ZNF469: variants seen among roughly 807,000 people sequenced by gnomAD.
ZNF469 encodes zinc finger protein 469.
A neutral mutation model predicts 1.0 loss-of-function variants in ZNF469; 1 was observed. The observed-to-expected ratio is 1.00, with a 90% confidence interval of 0.35 to 4.73. ZNF469 has a LOEUF of 4.73. ZNF469 is among the 30% of genes most tolerant of loss of function. The probability of loss-of-function intolerance (pLI) is 0.16; values close to 1 mark genes in which losing one functional copy is unlikely to be tolerated. For synonymous variants in ZNF469, 2,703 were observed against 2,363.4 expected, an observed-to-expected ratio of 1.14 and a Z score of -4.17; for missense variants, 6,100 against 5,356.3, an observed-to-expected ratio of 1.14 and a Z score of -4.33.
chr16:88,198,739 T>C, the ZNF469 span, among the ~76,000 whole-genome samples: 1 of 152,200 alleles, frequency 6.6e-6, no homozygotes, highest in African/African-American at 2.4e-5. Context: ...GGGCTTTGTT[T>C]CGTGGTGGTT....
At chr16:88,386,455 C>T (rs1374940586) in intron 1 of ZNF469, among the ~76,000 whole-genome samples, 1 of 152,192 alleles carries the variant, frequency 6.6e-6, no homozygotes, top group African/African-American at 2.4e-5. Context: ...GAACACCCCT[C>T]CTCTCCCTGC....
At chr16:88,134,547 T>G in the ZNF469 span, among the ~76,000 whole-genome samples, 1 of 152,238 alleles carries the variant, frequency 6.6e-6, no homozygotes, top group Non-Finnish European at 1.5e-5. Context: ...TATTAGTTAT[T>G]TAGAGTAAGT....
At chr16:88,317,729 G>A in the ZNF469 span, among the ~76,000 whole-genome samples, 1 of 152,220 alleles carries the variant, frequency 6.6e-6, no homozygotes, top group African/African-American at 2.4e-5. Context: ...CAGCTTCCCA[G>A]ACGCCTTTCC....
At chr16:88,247,417 T>C in the ZNF469 span, among the ~76,000 whole-genome samples, 90 of 150,460 alleles carry the variant, frequency 6.0e-4, no homozygotes, top group Admixed American at 8.6e-4. Flanking sequence ...AGTGAGTGAA[T>C]AAGTGAATGA....
chr16:88,358,685 C>T, the ZNF469 span, among the ~76,000 whole-genome samples: 1 of 151,966 alleles, frequency 6.6e-6, no homozygotes, highest in Non-Finnish European at 1.5e-5. Flanking sequence ...GTGAAGGCAC[C>T]ACTTTTGTTT....
chr16:88,437,624 G>C lies in ZNF469; in HGVS notation c.10154G>C (p.Gly3385Ala), dbSNP rs1038716489. The change falls in exon 3 of 3, where the codon GGC (glycine) becomes GCC (alanine). Residue 3385 changes from glycine to alanine, a missense_variant. Transcript: ENST00000565624. ...CACGGGGAGCTGCTGGCACACCTGG[G>C]CGGGGCGCACGGGCTGCTGGAGCGG... The part of the protein sequence containing the change: ...PEHGELLAHL[G>A]GAHGLLERPE... The C allele has an allele frequency of 1.9e-6, 3 of 1,540,920 alleles. No homozygotes were observed. In the Admixed American group the frequency reaches 5.9e-5, roughly 30 times the overall value.
the ZNF469 span, among the ~76,000 whole-genome samples, chr16:88,141,410 C>T: frequency 7.0e-6 from 1 of 142,508 alleles, no homozygotes; most frequent in Admixed American, 7.0e-5. Context: ...ATGAAATGCT[C>T]AGCCTGGGAA....
At chr16:88,167,851 A>G in the ZNF469 span, among the ~76,000 whole-genome samples, 1 of 152,252 alleles carries the variant, frequency 6.6e-6, no homozygotes, top group Non-Finnish European at 1.5e-5. Flanking sequence ...CGCTCCTTAC[A>G]GCGATGATCT....
chr16:88,253,364 CTTGTT>C, the ZNF469 span, among the ~76,000 whole-genome samples: 1 of 152,044 alleles, frequency 6.6e-6, no homozygotes, highest in Non-Finnish European at 1.5e-5. Flanking sequence ...TTGGGCTTGT[CTTGTT>C]TTTTCCTTTT....
At chr16:88,249,417 C>CTTTTTTT in the ZNF469 span, among the ~76,000 whole-genome samples, 9 of 92,938 alleles carry the variant, frequency 9.7e-5, no homozygotes, top group Non-Finnish European at 1.5e-4. Flanking sequence ...CTTTTTCTTT[C>CTTTTTTT]TTTTTCTTTT....
At chr16:88,171,463 C>T in the ZNF469 span, among the ~76,000 whole-genome samples, 10 of 152,226 alleles carry the variant, frequency 6.6e-5, no homozygotes, top group African/African-American at 2.4e-4. Context: ...TCTCAGAAAG[C>T]TCCTGAAGCA....
intron 1 of ZNF469, among the ~76,000 whole-genome samples, chr16:88,394,368 T>C (rs1011093187): frequency 6.6e-6 from 1 of 152,238 alleles, no homozygotes; most frequent in Non-Finnish European, 1.5e-5. Flanking sequence ...TGGCTTCAGA[T>C]GAGAAAAGAG....
the ZNF469 span, chr16:88,302,374 G>A: frequency 6.6e-6 from 1 of 152,334 alleles, no homozygotes; most frequent in Middle Eastern, 3.4e-3. Flanking sequence ...TTTTAAGAGT[G>A]GATATATTTA....
intron 1 of ZNF469, among the ~76,000 whole-genome samples, chr16:88,393,388 C>T (rs1904543248): frequency 6.6e-6 from 1 of 152,246 alleles, no homozygotes; most frequent in South Asian, 2.1e-4. Flanking sequence ...GCTGTCCACA[C>T]CAGCAGCCTG....
At chr16:88,133,704 A>G in the ZNF469 span, among the ~76,000 whole-genome samples, 1 of 150,382 alleles carries the variant, frequency 6.6e-6, no homozygotes, top group Non-Finnish European at 1.5e-5. Flanking sequence ...TAATTAACTA[A>G]CTTAACATTC....
the ZNF469 span, among the ~76,000 whole-genome samples, chr16:88,253,997 G>A: frequency 3.3e-5 from 5 of 151,536 alleles, no homozygotes; most frequent in Admixed American, 6.6e-5. Flanking sequence ...GTTATTTAAT[G>A]AGCAGAAATT....
chr16:88,205,794 G>A, the ZNF469 span, among the ~76,000 whole-genome samples: 1 of 152,216 alleles, frequency 6.6e-6, no homozygotes, highest in South Asian at 2.1e-4. This position sits in a 1 kb window ranked among gnomAD's most constrained non-coding sequence, Gnocchi z 4.2. Flanking sequence ...CATGGGGGGT[G>A]AGTGATGTGT....
chr16:88,140,542 G>A, the ZNF469 span, among the ~76,000 whole-genome samples: 1 of 150,958 alleles, frequency 6.6e-6, no homozygotes, highest in South Asian at 2.1e-4. Flanking sequence ...CAAAGATCCT[G>A]CAGAAAAGCC....
the ZNF469 span, among the ~76,000 whole-genome samples, chr16:88,199,230 G>T: frequency 6.6e-6 from 1 of 152,238 alleles, no homozygotes; most frequent in Non-Finnish European, 1.5e-5. Flanking sequence ...ATTTGTGAGT[G>T]GGTCCCCAGA....
Sources: gnomAD v4.1 joint callset for allele counts (sites outside exome capture counted in the v4.1 genomes callset) on GRCh38, gnomAD v4.1.1 for gene constraint, Gnocchi (gnomAD v3.1) non-coding constraint, MANE v1.5 for transcripts, NCBI Gene and HGNC (gene_info 2026-07-23, HGNC 2026-07-21) for gene names.